The following FAM133A variants were observed in gnomAD, a reference collection of about 807,000 sequenced individuals.
FAM133A encodes protein FAM133A.
For synonymous variants in FAM133A, 65 were observed against 58.6 expected (o/e 1.11, Z -0.50); for missense variants, 159 against 164.4 (o/e 0.97, Z 0.18).
rs1927309709 is a variant in FAM133A, at chrX:93,709,902, G to T, written c.483G>T (p.Lys161Asn). 8.4e-7 allele frequency: 1 copy of T among 1,195,364 alleles called. No individual in the cohort carries two copies. The highest frequency in any genetic ancestry group is 1.1e-6 in the Non-Finnish European group (1 of 888,729). The change falls in exon 4 of 4, where the codon AAG becomes AAT. Residue 161 changes from lysine to asparagine, a missense_variant. By Grantham distance (94) the Lys-to-Asn change is moderately conservative (BLOSUM62 0). Coordinates refer to ENST00000683942, the MANE Select transcript of FAM133A (RefSeq NM_001171109.2). ...GCAAGGAGTCTGTAAAAAAGAAAAA[G>T]AAGTCAAAGGATGAAACAGAGAAAG... The part of the protein sequence containing the change: ...SESKESVKKK[K>N]KSKDETEKEK...
At chrX:93,680,051 A>C (rs949504371) in intron 2 of FAM133A, among the ~76,000 whole-genome samples, 1 of 104,227 alleles carries the variant, frequency 9.6e-6, no homozygotes, top group African/African-American at 3.6e-5. Context: ...TGCTGGGATT[A>C]CAGGCATGAG....
chrX:93,706,059 T>C (rs1424479154), intron 3 of FAM133A, among the ~76,000 whole-genome samples: 1 of 112,225 alleles, frequency 8.9e-6, no homozygotes, highest in African/African-American at 3.2e-5. Flanking sequence ...GAGATTGCAT[T>C]AGCAAAGGTT....
intron 2 of FAM133A, among the ~76,000 whole-genome samples, chrX:93,675,318 A>G (rs1158035883): frequency 8.9e-6 from 1 of 111,895 alleles, no homozygotes; most frequent in Non-Finnish European, 1.9e-5. Flanking sequence ...TGCTTTATCT[A>G]TGTGACACCA....
chrX:93,684,386 AT>A (rs773543139), intron 2 of FAM133A, among the ~76,000 whole-genome samples: 1,142 of 111,914 alleles, frequency 0.01, 14 homozygotes, highest in Non-Finnish European at 0.014. Context: ...CCAGAAGTCA[AT>A]TTTTTTAATA....
At chrX:93,706,376 C>A (rs1927044018) in intron 3 of FAM133A, among the ~76,000 whole-genome samples, 1 of 111,461 alleles carries the variant, frequency 9.0e-6, no homozygotes, top group South Asian at 3.7e-4. Context: ...CACTGCCAAC[C>A]CCTTGCATGT....
At chrX:93,704,903 T>C (rs1356861684) in intron 3 of FAM133A, among the ~76,000 whole-genome samples, 1 of 111,343 alleles carries the variant, frequency 9.0e-6, no homozygotes, top group Admixed American at 9.6e-5. Context: ...TTTGGCTCTT[T>C]TATTACTCCC....
rs1240896447 is a variant in FAM133A at position 93,699,350 on chromosome X, C to G, written c.-104+865C>G. Among the ~76,000 whole-genome samples, 10 of 111,390 alleles carry G rather than the reference C, an allele frequency of 9.0e-5. No homozygotes were observed. The Admixed American group carries it at 9.6e-4, about 11-fold the overall frequency. On this transcript the variant is annotated intron_variant, in intron 3 of 3. Coordinates refer to ENST00000683942, the MANE Select transcript of FAM133A (RefSeq NM_001171109.2). ...GTGAATTGCATTACCACTATTCATA[C>G]TGCCACACACATGACATTAGGCCAA...
In FAM133A at chrX:93,711,643, T is replaced by A. The variant is rs888993609; in HGVS notation, c.*1477T>A. On this transcript the variant is annotated 3_prime_UTR_variant, in exon 4 of 4. Coordinates refer to ENST00000683942, the MANE Select transcript of FAM133A (RefSeq NM_001171109.2). ...TTTCAATAGCAGATTTTATCTCGGCTACCTTCAATCACAAGTAAAATTATA... is the reference window on the plus strand; with the variant it reads ...TTTCAATAGCAGATTTTATCTCGGCAACCTTCAATCACAAGTAAAATTATA... The A allele has an allele frequency of 1.6e-5, 2 of 122,492 alleles. No homozygotes were observed. The highest frequency in any genetic ancestry group is 6.5e-5 in the African/African-American group (2 of 30,590). The allele number at this position is 122,492 out of a possible 1,213,427, so 10.1% of individuals were successfully genotyped here.
chrX:93,677,732 T>C (rs1924818615), intron 2 of FAM133A, among the ~76,000 whole-genome samples: 1 of 112,096 alleles, frequency 8.9e-6, no homozygotes, highest in African/African-American at 3.2e-5. Flanking sequence ...AATTTACCCA[T>C]GTTGTTGTGT....
At chrX:93,676,264 G>A (rs993885824) in intron 2 of FAM133A, among the ~76,000 whole-genome samples, 10 of 110,639 alleles carry the variant, frequency 9.0e-5, no homozygotes, top group Admixed American at 1.9e-4. Flanking sequence ...GATAAAGTCA[G>A]GCAATACATT....
chrX:93,675,864 A>G (rs1006791918), intron 2 of FAM133A, among the ~76,000 whole-genome samples: 1 of 111,209 alleles, frequency 9.0e-6, no homozygotes, highest in Non-Finnish European at 1.9e-5. Flanking sequence ...ATGTTATAGA[A>G]ACAATGATTT....
At chrX:93,704,890 A>T (rs149499589) in intron 3 of FAM133A, among the ~76,000 whole-genome samples, 2,816 of 110,828 alleles carry the variant, frequency 0.025, 42 homozygotes, top group Non-Finnish European at 0.036. Flanking sequence ...GCATTCAAAC[A>T]ATTTTGGCTC....
chrX:93,689,367 TA>T (rs1326750664), intron 2 of FAM133A, among the ~76,000 whole-genome samples: 2 of 111,548 alleles, frequency 1.8e-5, no homozygotes, highest in East Asian at 5.6e-4. Flanking sequence ...TAATTAATTT[TA>T]AAAATTTTTG....
At chrX:93,682,805 G>T (rs1208753213) in intron 2 of FAM133A, among the ~76,000 whole-genome samples, 1 of 110,448 alleles carries the variant, frequency 9.1e-6, no homozygotes, top group African/African-American at 3.3e-5. Flanking sequence ...TGATAGAGAC[G>T]GGGTTTAACC....
intron 2 of FAM133A, among the ~76,000 whole-genome samples, chrX:93,683,530 A>G (rs777003209): frequency 8.1e-4 from 91 of 112,096 alleles, no homozygotes; most frequent in African/African-American, 2.9e-3. Flanking sequence ...TTCTTTGGAA[A>G]GTCAAATCAT....
chrX:93,678,033 G>C (rs1924842308), intron 2 of FAM133A, among the ~76,000 whole-genome samples: 1 of 111,777 alleles, frequency 8.9e-6, no homozygotes, highest in Non-Finnish European at 1.9e-5. Flanking sequence ...GCTCACATTT[G>C]ATATGGGCAG....
chrX:93,685,591 A>C (rs1925458392), intron 2 of FAM133A, among the ~76,000 whole-genome samples: 1 of 112,055 alleles, frequency 8.9e-6, no homozygotes, highest in African/African-American at 3.2e-5. Flanking sequence ...AAGTTATTAT[A>C]AAATAGTAAA....
intron 3 of FAM133A, among the ~76,000 whole-genome samples, chrX:93,704,241 A>G (rs899350552): frequency 5.4e-5 from 6 of 111,722 alleles, no homozygotes; most frequent in African/African-American, 1.9e-4. Flanking sequence ...TTATCATCCA[A>G]TGTGAAATGG....
intron 2 of FAM133A, among the ~76,000 whole-genome samples, chrX:93,685,308 A>C (rs891700845): frequency 1.8e-5 from 2 of 111,691 alleles, no homozygotes; most frequent in African/African-American, 3.3e-5. Flanking sequence ...TGTAGGAAAA[A>C]ACTTGAGCCA....
Sources: gnomAD v4.1 joint callset for allele counts (sites outside exome capture counted in the v4.1 genomes callset) on GRCh38, gnomAD v4.1.1 for gene constraint, MANE v1.5 for transcripts, NCBI Gene and HGNC (gene_info 2026-07-23, HGNC 2026-07-21) for gene names.